Variants in SPRY4 observed in about 807,000 individuals in gnomAD.
SPRY4 encodes sprouty RTK signaling antagonist 4, also known as protein sprouty homolog 4.
SPRY4 carries 7 observed loss-of-function variants against 17.0 expected under a neutral mutation model. The observed-to-expected ratio is 0.41, with a 90% confidence interval of 0.23 to 0.77. The LOEUF (loss-of-function observed/expected upper bound fraction) is 0.77. Ranked by LOEUF, SPRY4 falls within the 30% of genes least tolerant of loss-of-function variation. The probability of loss-of-function intolerance (pLI) is 0.32; values close to 1 mark genes in which losing one functional copy is unlikely to be tolerated. For synonymous variants in SPRY4, 183 were observed against 174.1 expected, an observed-to-expected ratio of 1.05 and a Z score of -0.40; for missense variants, 435 against 419.9, an observed-to-expected ratio of 1.04 and a Z score of -0.31.
Position 142,314,928 on chromosome 5 carries a change from T to C in SPRY4, c.181A>G (p.Thr61Ala), listed in dbSNP as rs1377435234. The change falls in exon 2 of 2, where the codon ACC (threonine) becomes GCC (alanine). Residue 61 changes from threonine (T) to alanine (A), a missense_variant. Thr to Ala is a moderately conservative substitution (Grantham distance 58, BLOSUM62 0). Transcript: ENST00000434127. The surrounding 1 kb of genome is among the most constrained non-coding windows in gnomAD (Gnocchi z 4.8). ...CCCCGGGTCCGCTTTGGGCCGGTGGTCAGGGCCAGGCTAGGGTTGTCTATG... is the reference window on the plus strand; with the variant it reads ...CCCCGGGTCCGCTTTGGGCCGGTGGCCAGGGCCAGGCTAGGGTTGTCTATG... Reference protein sequence around the residue: ...DYIDNPSLALTTGPKRTRGGA... With the variant: ...DYIDNPSLALATGPKRTRGGA... 1.9e-6 allele frequency: 3 copies of C among 1,612,720 alleles called. No homozygotes were observed. Among genetic ancestry groups the C allele is most frequent in the Non-Finnish European group, 8.5e-7 (1 of 1,179,004 alleles).
intron 1 of SPRY4, among the ~76,000 whole-genome samples, chr5:142,323,486 G>C (rs558177288): frequency 3.3e-5 from 5 of 152,210 alleles, no homozygotes; most frequent in African/African-American, 7.2e-5. Flanking sequence ...CCAGAAGGCG[G>C]CCTCCTGCCC....
Position 142,315,002 on chromosome 5 carries a change from G to C in SPRY4, c.107C>G (p.Thr36Ser). 1.2e-6 allele frequency: 2 copies of C among 1,613,948 alleles called. No homozygotes were observed. Among genetic ancestry groups the C allele is most frequent in the South Asian group, 1.1e-5 (1 of 91,080 alleles). Residue 36 changes from threonine to serine, a missense_variant, in exon 2 of 2, where the codon ACC (threonine) becomes AGC (serine). Coordinates refer to ENST00000434127, the MANE Select transcript of SPRY4 (RefSeq NM_001127496.3). Reference protein sequence around the residue: ...MSHSRLQHPLTILPIDQVKTS... With the variant: ...MSHSRLQHPLSILPIDQVKTS... ...CTTCACCTGGTCAATGGGTAGGATG[G>C]TGAGTGGGTGCTGGAGCCGGCTGTG...
At position 142,312,252 on chromosome 5, in the gene SPRY4, A is replaced by G. The variant is rs987342669; in HGVS notation, c.*1957T>C. ...TTCTACCACTCCTTCTGAAATGTTC[A>G]AGAACATCCATACATCCGTCACAAC... On this transcript the variant is annotated 3_prime_UTR_variant, in exon 2 of 2. Transcript: ENST00000434127. 3.9e-5 allele frequency: 6 copies of G among 152,650 alleles called. No homozygotes were observed. Among genetic ancestry groups the G allele is most frequent in the Admixed American group, 2.0e-4 (3 of 15,286 alleles). 9.5% of individuals were successfully genotyped at this position (152,650 alleles called of 1,614,324 possible).
At chr5:142,320,996 A>C (rs1759327666) in intron 1 of SPRY4, among the ~76,000 whole-genome samples, 1 of 152,058 alleles carries the variant, frequency 6.6e-6, no homozygotes, top group African/African-American at 2.4e-5. Context: ...TGCTTCCTTC[A>C]CTGACTGGGG....
At chr5:142,316,554 A>G (rs1347693923) in intron 1 of SPRY4, among the ~76,000 whole-genome samples, 6 of 152,194 alleles carry the variant, frequency 3.9e-5, no homozygotes, top group Admixed American at 2.6e-4. Context: ...TAAGTCTTTA[A>G]AACAAAACCA....
Position 142,319,678 on chromosome 5 carries a change from T to A in SPRY4, c.-47-4523A>T. ...AAAATCCCCAGAACACGCGCAACAC[T>A]GTATTTGCTGCTTGGCGGGTCTGGG... On this transcript the variant is annotated intron_variant, in intron 1 of 1. Coordinates refer to ENST00000434127, the MANE Select transcript of SPRY4 (RefSeq NM_001127496.3). 1.9e-6 allele frequency: 3 copies of A among 1,579,000 alleles called. No individual in the cohort carries two copies. In the Admixed American group the frequency reaches 5.4e-5, roughly 28 times the overall value.
intron 1 of SPRY4, among the ~76,000 whole-genome samples, chr5:142,316,802 C>A (rs969652889): frequency 6.6e-6 from 1 of 152,220 alleles, no homozygotes; most frequent in Admixed American, 6.5e-5. Context: ...ACTTACACTG[C>A]TAAATCCAAA....
At chr5:142,317,833 C>G in intron 1 of SPRY4, 1 of 985,368 alleles carries the variant, frequency 1.0e-6, no homozygotes, top group South Asian at 4.7e-5. Context: ...CCATAACCCT[C>G]CAGAGGCAGC....
chr5:142,323,759 G>A (rs1759430573), intron 1 of SPRY4: 2 of 152,330 alleles, frequency 1.3e-5, no homozygotes, highest in African/African-American at 4.8e-5. Flanking sequence ...TCGTCTGCAT[G>A]GAGGGGGAAC....
chr5:142,320,516 G>T (rs1759311535), intron 1 of SPRY4, among the ~76,000 whole-genome samples: 1 of 152,060 alleles, frequency 6.6e-6, no homozygotes, highest in Admixed American at 6.6e-5. Context: ...ACGGAAGGGT[G>T]GGAATCTTGC....
At chr5:142,318,914 C>T (rs925842048) in intron 1 of SPRY4, among the ~76,000 whole-genome samples, 7 of 152,128 alleles carry the variant, frequency 4.6e-5, no homozygotes, top group African/African-American at 1.7e-4. Context: ...TGCCAGGCTC[C>T]GTGCTAAGCC....
Position 142,310,684 on chromosome 5 carries a change from G to A in SPRY4, c.*3525C>T, listed in dbSNP as rs1758872744. The A allele has an allele frequency of 2.0e-5, 3 of 152,216 alleles. No homozygotes were observed. Among genetic ancestry groups the A allele is most frequent in the South Asian group, 4.1e-4 (2 of 4,822 alleles). The allele number at this position is 152,216 out of a possible 1,614,324, so 9.4% of individuals were successfully genotyped here. A position where few individuals can be genotyped will look rare whatever the true frequency, so the allele number is the denominator to read the frequency against. On this transcript the variant is annotated 3_prime_UTR_variant, in exon 2 of 2. Coordinates refer to ENST00000434127, the MANE Select transcript of SPRY4 (RefSeq NM_001127496.3). ...TGGGATGTGGCGGGGTGGGAGCCTC[G>A]AGCTTTTCTGTTTGTAACATGAAAC...
At chr5:142,320,479 A>G (rs900917901) in intron 1 of SPRY4, among the ~76,000 whole-genome samples, 1 of 152,106 alleles carries the variant, frequency 6.6e-6, no homozygotes, top group Non-Finnish European at 1.5e-5. Context: ...TTCACAGCCA[A>G]TCAGCTGAGC....
rs918050755 is a variant in SPRY4 at position 142,312,128 on chromosome 5, T to C, written c.*2081A>G. The C allele has an allele frequency of 6.6e-6, 1 of 152,172 alleles. No homozygotes were observed. The highest frequency in any genetic ancestry group is 6.6e-5 in the Admixed American group (1 of 15,202). 9.4% of individuals were successfully genotyped at this position (152,172 alleles called of 1,614,324 possible). A position where few individuals can be genotyped will look rare whatever the true frequency, so the allele number is the denominator to read the frequency against. On this transcript the variant is annotated 3_prime_UTR_variant, in exon 2 of 2. Coordinates refer to ENST00000434127, the MANE Select transcript of SPRY4 (RefSeq NM_001127496.3). Reference sequence around the variant, plus strand: ...AAAGCGTGCAGATGTGCACTATCAATTTTGGGGCCCCCTCATCTGAGGAAA... The same window carrying C: ...AAAGCGTGCAGATGTGCACTATCAACTTTGGGGCCCCCTCATCTGAGGAAA...
At chr5:142,320,246 A>G (rs1319420218) in intron 1 of SPRY4, among the ~76,000 whole-genome samples, 1 of 152,192 alleles carries the variant, frequency 6.6e-6, no homozygotes, top group Admixed American at 6.5e-5. Flanking sequence ...CTGCAAAGAA[A>G]GACAATCTCT....
chr5:142,324,741 G>C (rs1419219813), intron 1 of SPRY4, 103 bp downstream of exon 1: 1 of 152,710 alleles, frequency 6.5e-6, no homozygotes, highest in African/African-American at 2.4e-5. Context: ...GAACACTGAG[G>C]CGCGCCTAGA....
At chr5:142,320,934 C>CCTTCCCTTCT (rs1759325743) in intron 1 of SPRY4, among the ~76,000 whole-genome samples, 1 of 152,216 alleles carries the variant, frequency 6.6e-6, no homozygotes. Flanking sequence ...CCGAAGGGCC[C>CCTTCCCTTCT]CTTCCCTTCT....
intron 1 of SPRY4, among the ~76,000 whole-genome samples, chr5:142,320,632 G>GAGTC: frequency 6.6e-6 from 1 of 152,242 alleles, no homozygotes; most frequent in South Asian, 2.1e-4. Context: ...TAGAAGCCAA[G>GAGTC]AGTCAGTAAA....
In SPRY4 at chr5:142,314,911, C is replaced by T; in HGVS notation, c.198G>A (p.Arg66=). 1 of 1,609,174 alleles carries T rather than the reference C, an allele frequency of 6.2e-7. No individual in the cohort carries two copies. The highest frequency in any genetic ancestry group is 8.5e-7 in the Non-Finnish European group (1 of 1,176,154). Residue 66 remains arginine (R), a synonymous_variant, in exon 2 of 2, where the codon CGG becomes CGA. Coordinates refer to ENST00000434127, the MANE Select transcript of SPRY4 (RefSeq NM_001127496.3). This position sits in a 1 kb window ranked among gnomAD's most constrained non-coding sequence, Gnocchi z 4.8. ...CCAGCTCTGGGGCCCCGCCCCGGGTCCGCTTTGGGCCGGTGGTCAGGGCCA... is the reference window on the plus strand; with the variant it reads ...CCAGCTCTGGGGCCCCGCCCCGGGTTCGCTTTGGGCCGGTGGTCAGGGCCA... ...PSLALTTGPK[R]TRGGAPELAP... is the part of the protein sequence containing the mutation.
Sources: gnomAD v4.1 joint callset for allele counts (sites outside exome capture counted in the v4.1 genomes callset) on GRCh38, gnomAD v4.1.1 for gene constraint, Gnocchi (gnomAD v3.1) non-coding constraint, MANE v1.5 for transcripts, NCBI Gene and HGNC (gene_info 2026-07-23, HGNC 2026-07-21) for gene names.